TMEM117: variants seen among roughly 807,000 people sequenced by gnomAD.
TMEM117 encodes the protein transmembrane protein 117.
Under a neutral mutation model 52.4 loss-of-function variants are expected in TMEM117, and 27 were observed. That is an observed-to-expected ratio of 0.51 (90% CI 0.38 to 0.71). The LOEUF is 0.71. TMEM117 is among the 30% of genes least tolerant of loss of function. TMEM117 has a pLI of 0.00. For missense variants in TMEM117, 556 were observed against 630.5 expected (o/e 0.88, Z 1.26); for synonymous variants, 215 against 206.3 (o/e 1.04, Z -0.36).
intron 3 of TMEM117, among the ~76,000 whole-genome samples, chr12:44,119,855 G>C (rs1011405054): frequency 6.6e-6 from 1 of 152,198 alleles, no homozygotes; most frequent in African/African-American, 2.4e-5. Flanking sequence ...TGTGTAACCA[G>C]GGTTGAGAAT....
At chr12:43,848,837 G>A (rs751834948) in intron 2 of TMEM117, among the ~76,000 whole-genome samples, 24 of 152,158 alleles carry the variant, frequency 1.6e-4, no homozygotes, top group Non-Finnish European at 3.1e-4. Flanking sequence ...TTCCTCTGCC[G>A]CAGCTTTAGC....
At chr12:43,848,933 G>A (rs1343063277) in intron 2 of TMEM117, among the ~76,000 whole-genome samples, 46 of 152,206 alleles carry the variant, frequency 3.0e-4, no homozygotes, top group Admixed American at 2.9e-3. Context: ...AAACTCAACA[G>A]CTGAGATGGG....
At chr12:44,297,869 A>G (rs1950788299) in intron 5 of TMEM117, among the ~76,000 whole-genome samples, 1 of 152,182 alleles carries the variant, frequency 6.6e-6, no homozygotes, top group African/African-American at 2.4e-5. Context: ...ATTGAGTTAT[A>G]ATAATTAGTT....
At chr12:43,899,861 A>G (rs527899748) in intron 2 of TMEM117, among the ~76,000 whole-genome samples, 181 of 15,004 alleles carry the variant, frequency 0.012, 1 homozygote, top group African/African-American at 0.03. Flanking sequence ...CACTACCTAG[A>G]TATGTGACCT....
chr12:44,100,108 C>G lies in TMEM117; in HGVS notation c.411-43417C>G, dbSNP rs138111002. Among the ~76,000 whole-genome samples, 19 of 151,984 alleles carry G rather than the reference C, an allele frequency of 1.3e-4. No individual in the cohort carries two copies. The East Asian group carries it at 3.7e-3, about 30-fold the overall frequency. ...ACAAAGTTTAATTCAGTTCATTTAT[C>G]CTCTATAATGGGATAGACATGGTGC... On this transcript the variant is annotated intron_variant, in intron 3 of 7. Transcript: ENST00000266534.
intron 3 of TMEM117, among the ~76,000 whole-genome samples, chr12:44,043,906 T>G (rs1210289459): frequency 6.6e-6 from 1 of 152,212 alleles, no homozygotes; most frequent in African/African-American, 2.4e-5. Flanking sequence ...TTGGGCCCGC[T>G]AAGTAGGGAC....
intron 5 of TMEM117, chr12:44,264,060 T>A (rs1409992868): frequency 1.3e-5 from 2 of 152,242 alleles, no homozygotes; most frequent in Non-Finnish European, 2.9e-5. Context: ...ACTTTAGAGT[T>A]CTCAGTATAC....
chr12:44,383,304 A>T (rs1305220465), intron 7 of TMEM117, among the ~76,000 whole-genome samples: 1 of 152,078 alleles, frequency 6.6e-6, no homozygotes, highest in Non-Finnish European at 1.5e-5. Flanking sequence ...CTTTTTCCTT[A>T]GTTGAAAAAA....
At chr12:43,926,712 C>G (rs551532471) in intron 2 of TMEM117, among the ~76,000 whole-genome samples, 70 of 152,166 alleles carry the variant, frequency 4.6e-4, no homozygotes, top group African/African-American at 1.6e-3. Flanking sequence ...TTTCATACTT[C>G]TTTAATCATT....
At chr12:44,335,158 T>C (rs1456433363) in intron 6 of TMEM117, among the ~76,000 whole-genome samples, 1 of 152,030 alleles carries the variant, frequency 6.6e-6, no homozygotes, top group African/African-American at 2.4e-5. Flanking sequence ...TCCATGATGA[T>C]TGTCAGTGGA....
At chr12:43,862,699 T>C (rs920596503) in intron 2 of TMEM117, among the ~76,000 whole-genome samples, 4 of 152,188 alleles carry the variant, frequency 2.6e-5, no homozygotes, top group Non-Finnish European at 5.9e-5. Context: ...ATACTCTAAC[T>C]AGAGTGGTTA....
chr12:44,157,869 C>T (rs1056414666), intron 4 of TMEM117, among the ~76,000 whole-genome samples: 1 of 152,056 alleles, frequency 6.6e-6, no homozygotes, highest in African/African-American at 2.4e-5. Context: ...AAAATATAAT[C>T]TTGACTCAAA....
Position 44,169,681 on chromosome 12 carries a change from A to G in TMEM117, c.510+26057A>G, listed in dbSNP as rs12297184. ...TGTGGATGGTGTTCTTTGATACACAAAAGTTTCTAACTTTGAAATTCAATT... is the reference window on the plus strand; with the variant it reads ...TGTGGATGGTGTTCTTTGATACACAGAAGTTTCTAACTTTGAAATTCAATT... On this transcript the variant is annotated intron_variant, in intron 4 of 7. Coordinates refer to ENST00000266534, the MANE Select transcript of TMEM117 (RefSeq NM_032256.3). 8.3e-3 allele frequency among the ~76,000 whole-genome samples: 1,271 copies of G among 152,332 alleles called. 21 individuals carry two copies. The highest frequency in any genetic ancestry group is 0.029 in the African/African-American group (1,185 of 41,564).
At chr12:43,814,158 G>A in the TMEM117 span, among the ~76,000 whole-genome samples, 1 of 152,070 alleles carries the variant, frequency 6.6e-6, no homozygotes, top group Non-Finnish European at 1.5e-5. Flanking sequence ...AAGCTGAATT[G>A]CACTTTGAGG....
intron 5 of TMEM117, among the ~76,000 whole-genome samples, chr12:44,288,024 A>G (rs955749974): frequency 6.6e-6 from 1 of 152,198 alleles, no homozygotes; most frequent in Non-Finnish European, 1.5e-5. Flanking sequence ...AGTTTTACAG[A>G]AAAGTGACTC....
chr12:44,397,166 G>A, the TMEM117 span, among the ~76,000 whole-genome samples: 1 of 152,160 alleles, frequency 6.6e-6, no homozygotes, highest in Non-Finnish European at 1.5e-5. Context: ...TTAAAACAAA[G>A]AGCAGCCAGT....
At chr12:44,327,784 G>A (rs1480389580) in intron 6 of TMEM117, among the ~76,000 whole-genome samples, 1 of 152,048 alleles carries the variant, frequency 6.6e-6, no homozygotes, top group Non-Finnish European at 1.5e-5. Flanking sequence ...AGTCCTTTCA[G>A]ATATAAGTGT....
chr12:44,288,180 A>G (rs1484983847), intron 5 of TMEM117, among the ~76,000 whole-genome samples: 1 of 152,210 alleles, frequency 6.6e-6, no homozygotes, highest in African/African-American at 2.4e-5. Flanking sequence ...TTGCATCTGC[A>G]GTTATATCTA....
intron 4 of TMEM117, among the ~76,000 whole-genome samples, chr12:44,200,053 A>G (rs1949474052): frequency 2.0e-5 from 3 of 152,192 alleles, no homozygotes; most frequent in Admixed American, 2.0e-4. Context: ...CTGGAGATGG[A>G]GGTTGCAGTG....
Sources: gnomAD v4.1 joint callset for allele counts (sites outside exome capture counted in the v4.1 genomes callset) on GRCh38, gnomAD v4.1.1 for gene constraint, MANE v1.5 for transcripts, NCBI Gene and HGNC (gene_info 2026-07-23, HGNC 2026-07-21) for gene names.